PFAS: variants seen among roughly 807,000 people sequenced by gnomAD.
PFAS encodes the protein phosphoribosylformylglycinamidine synthase, also known as FGAM synthase.
A neutral mutation model predicts 140.6 loss-of-function variants in PFAS; 97 were observed. The observed-to-expected ratio is 0.69, with a 90% confidence interval of 0.59 to 0.82. The LOEUF is 0.82. Among genes scored for constraint, PFAS ranks in the 40% least tolerant of loss-of-function variants. PFAS has a pLI of 0.00. For synonymous variants in PFAS, 679 were observed against 718.8 expected, an observed-to-expected ratio of 0.94 and a Z score of 0.88; for missense variants, 1,656 against 1,780.2, an observed-to-expected ratio of 0.93 and a Z score of 1.26.
At position 8,267,683 on chromosome 17, in the gene PFAS, TG is replaced by T; in HGVS notation, c.3382+19del. On this transcript the variant is annotated intron_variant, in intron 26 of 27. Transcript: ENST00000314666. This position sits in a 1 kb window ranked among gnomAD's most constrained non-coding sequence, Gnocchi z 4.9. ...TGCCAAAGGTCAGTGTGCAGGCTTC[TG>T]CCCACTCCCTTCCCCCACATTCCTG... 1 of 1,368,352 alleles carries T rather than the reference TG, an allele frequency of 7.3e-7. No homozygotes were observed. Among genetic ancestry groups the T allele is most frequent in the Non-Finnish European group, 1.0e-6 (1 of 962,684 alleles). The allele number at this position is 1,368,352 out of a possible 1,614,324, so 84.8% of individuals were successfully genotyped here. A position where few individuals can be genotyped will look rare whatever the true frequency, so the allele number is the denominator to read the frequency against.
rs143613691 is a variant in PFAS, at chr17:8,258,080, G to T, written c.1217G>T (p.Arg406Leu). 1 of 1,614,120 alleles carries T rather than the reference G, an allele frequency of 6.2e-7. No individual in the cohort carries two copies. Among genetic ancestry groups the T allele is most frequent in the African/African-American group, 1.3e-5 (1 of 75,044 alleles). ...GATGTTCACACTCCAGGCTTCGCCC[G>T]CTCCTTGGGCCTCCAGCTCCCAGAC... ...FGEPVLAGFA[R>L]SLGLQLPDGQ... The change falls in exon 11 of 28, where the codon CGC becomes CTC. Residue 406 changes from arginine to leucine, a missense_variant. Transcript: ENST00000314666.
In PFAS at chr17:8,265,363, G is replaced by C. The variant is rs1231078339; in HGVS notation, c.2356G>C (p.Glu786Gln). The C allele has an allele frequency of 1.2e-6, 2 of 1,614,200 alleles. No individual in the cohort carries two copies. Among genetic ancestry groups the C allele is most frequent in the African/African-American group, 2.7e-5 (2 of 75,048 alleles). The change falls in exon 19 of 28, where the codon GAG becomes CAG. Residue 786 changes from glutamate (E) to glutamine (Q), a missense_variant. Around this residue, in one of 2 missense-constraint regions of PFAS, gnomAD observed 883 missense variants for 1,023.0 expected, o/e 0.86. Transcript: ENST00000314666. ...GGGCGCAGCTTTGGCGGATGCCTGT[G>C]AGGCTATGGTGGCAGTGATGGCAGC... ...GEGAALADAC[E>Q]AMVAVMAALG...
intron 3 of PFAS, 28 bp downstream of exon 3, chr17:8,254,329 TC>T (rs1397822155): frequency 1.2e-6 from 2 of 1,612,422 alleles, no homozygotes; most frequent in Non-Finnish European, 1.7e-6. Flanking sequence ...CCCACCCCTT[TC>T]TTCTGCTTTC....
At chr17:8,257,994 G>A (rs190032072) in intron 10 of PFAS, 56 bp downstream of exon 10, 1 of 1,611,948 alleles carries the variant, frequency 6.2e-7, no homozygotes, top group South Asian at 1.1e-5. Context: ...TGGGTGGGGT[G>A]TGCGACCCAG....
chr17:8,265,886 G>A lies in PFAS; in HGVS notation c.2570G>A (p.Ser857Asn), dbSNP rs1156746269. Residue 857 changes from serine to asparagine, a missense_variant, in exon 21 of 28, where the codon AGC becomes AAC. Around this residue, in one of 2 missense-constraint regions of PFAS, gnomAD observed 883 missense variants for 1,023.0 expected, o/e 0.86. Transcript: ENST00000314666. ...GRGHLLYVALSPGQHRLGGTA... is the reference protein window; with the variant it reads ...GRGHLLYVALNPGQHRLGGTA... Reference sequence around the variant, plus strand: ...GGCCATCTGCTCTATGTGGCTCTGAGCCCTGGGCAGCACCGGCTCGGGGGC... The same window carrying A: ...GGCCATCTGCTCTATGTGGCTCTGAACCCTGGGCAGCACCGGCTCGGGGGC... The A allele has an allele frequency of 6.2e-7, 1 of 1,610,064 alleles. No individual in the cohort carries two copies. Among genetic ancestry groups the A allele is most frequent in the Non-Finnish European group, 8.5e-7 (1 of 1,177,884 alleles).
intron 14 of PFAS, 42 bp downstream of exon 14, chr17:8,263,678 C>T: frequency 1.2e-6 from 2 of 1,604,132 alleles, no homozygotes; most frequent in Non-Finnish European, 8.5e-7. Context: ...CCCACCCCTG[C>T]CAGCCCCAGC....
At chr17:8,255,361 C>T (rs1567636058) in intron 4 of PFAS, 141 bp from the exon 5 acceptor site, 8 of 694,960 alleles carry the variant, frequency 1.2e-5, no homozygotes, top group East Asian at 2.8e-5. Flanking sequence ...CTGGAAAGGG[C>T]GTCTTTTTGT....
At chr17:8,253,390 A>G (rs1989233669) in intron 1 of PFAS, among the ~76,000 whole-genome samples, 1 of 152,152 alleles carries the variant, frequency 6.6e-6, no homozygotes, top group Non-Finnish European at 1.5e-5. Flanking sequence ...ACATTTTGCA[A>G]GATTCCTTAA....
Position 8,269,323 on chromosome 17 carries a change from TC to T in PFAS, c.*64del. On this transcript the variant is annotated 3_prime_UTR_variant, in exon 28 of 28. Coordinates refer to ENST00000314666, the MANE Select transcript of PFAS (RefSeq NM_012393.3). ...TTTCACCTAAGTGGGTCCTGCCCCC[TC>T]CCCCATGACCTTCAGGAGCACCCCA... 1 of 1,239,706 alleles carries T rather than the reference TC, an allele frequency of 8.1e-7. No individual in the cohort carries two copies. Among genetic ancestry groups the T allele is most frequent in the Non-Finnish European group, 1.1e-6 (1 of 880,124 alleles). The allele number at this position is 1,239,706 out of a possible 1,614,324, so 76.8% of individuals were successfully genotyped here.
chr17:8,268,596 G>A lies in PFAS; in HGVS notation c.3446G>A (p.Arg1149Gln), dbSNP rs769660069. The change falls in exon 27 of 28, where the codon CGG becomes CAG. Residue 1149 changes from arginine (R) to glutamine (Q), a missense_variant. Coordinates refer to ENST00000314666, the MANE Select transcript of PFAS (RefSeq NM_012393.3). Reference sequence around the variant, plus strand: ...GCTGAGCTGAGGCGCTTCCGGAAGCGGCCAGACACCTTCAGCCTGGGCGTG... The same window carrying A: ...GCTGAGCTGAGGCGCTTCCGGAAGCAGCCAGACACCTTCAGCCTGGGCGTG... ...AGAELRRFRK[R>Q]PDTFSLGVCN... is the part of the protein sequence containing the mutation. The A allele has an allele frequency of 2.1e-5, 34 of 1,613,060 alleles. No homozygotes were observed. Among genetic ancestry groups the A allele is most frequent in the African/African-American group, 1.1e-4 (8 of 74,804 alleles).
Position 8,268,705 on chromosome 17 carries a change from C to G in PFAS, c.3555C>G (p.Ser1185=). 1 of 1,613,148 alleles carries G rather than the reference C, an allele frequency of 6.2e-7. No individual in the cohort carries two copies. The highest frequency in any genetic ancestry group is 2.2e-5 in the East Asian group (1 of 44,884). ...NEDAAEMGPD[S]QPARPGLLLR... ...ATGCTGCAGAGATGGGCCCTGACTC[C>G]CAGCCAGCCCGGCCAGGCCTTCTGC... The change falls in exon 27 of 28, where the codon TCC becomes TCG. Residue 1185 remains serine (S), a synonymous_variant. Coordinates refer to ENST00000314666, the MANE Select transcript of PFAS (RefSeq NM_012393.3).
Position 8,257,830 on chromosome 17 carries a change from C to T in PFAS, c.1099C>T (p.Pro367Ser), listed in dbSNP as rs1037800072. Residue 367 changes from proline (P) to serine (S), a missense_variant, in exon 10 of 28, where the codon CCA becomes TCA. Transcript: ENST00000314666. ...AGGTTACAATCTGCCCTGGGAGGAT[C>T]CAAGCTTCCAGTATCCTGGGAATTT... ...IPGYNLPWED[P>S]SFQYPGNFAR... 9 of 1,613,748 alleles carry T rather than the reference C, an allele frequency of 5.6e-6. No homozygotes were observed. Among genetic ancestry groups the T allele is most frequent in the African/African-American group, 4.0e-5 (3 of 74,916 alleles).
chr17:8,263,058 T>C (rs563773426), intron 12 of PFAS, 51 bp from the exon 13 acceptor site: 3 of 1,610,264 alleles, frequency 1.9e-6, no homozygotes, highest in Admixed American at 1.7e-5. Flanking sequence ...TAGGGGAGCG[T>C]ATAGGAGCTT....
Position 8,263,249 on chromosome 17 carries a change from G to A in PFAS, c.1551G>A (p.Gln517=). The change falls in exon 13 of 28, where the codon CAG becomes CAA. Residue 517 remains glutamine (Q), a synonymous_variant. Transcript: ENST00000314666. ...ACCCCATCTGCAGCCTTCATGATCA[G>A]GGCGCTGGTGGCAATGGTGAGGAAA... ...KGNPICSLHD[Q]GAGGNGNVLK... is the part of the protein sequence containing the mutation. 6.2e-7 allele frequency: 1 copy of A among 1,614,176 alleles called. No individual in the cohort carries two copies. The highest frequency in any genetic ancestry group is 8.5e-7 in the Non-Finnish European group (1 of 1,180,032).
At position 8,268,707 on chromosome 17, in the gene PFAS, A is replaced by C. The variant is rs1989925011; in HGVS notation, c.3557A>C (p.Gln1186Pro). 1.2e-6 allele frequency: 2 copies of C among 1,613,084 alleles called. No individual in the cohort carries two copies. Among genetic ancestry groups the C allele is most frequent in the Non-Finnish European group, 1.7e-6 (2 of 1,179,924 alleles). The change falls in exon 27 of 28, where the codon CAG (glutamine) becomes CCG (proline). Residue 1186 changes from glutamine to proline, a missense_variant. This residue lies in a region of PFAS where 883 missense variants were observed against 1,023.0 expected (regional missense o/e 0.86). Coordinates refer to ENST00000314666, the MANE Select transcript of PFAS (RefSeq NM_012393.3). ...EDAAEMGPDS[Q>P]PARPGLLLRH... is the part of the protein sequence containing the mutation. ...GCTGCAGAGATGGGCCCTGACTCCC[A>C]GCCAGCCCGGCCAGGCCTTCTGCTA...
chr17:8,257,030 C>G, intron 9 of PFAS, 67 bp downstream of exon 9: 1 of 1,557,352 alleles, frequency 6.4e-7, no homozygotes, highest in Non-Finnish European at 8.8e-7. Context: ...CAGCAAACTT[C>G]TATCTGTTAG....
rs1295414562 is a variant in PFAS, at chr17:8,255,103, G to A, written c.355G>A (p.Val119Met). Residue 119 changes from valine (V) to methionine (M), a missense_variant, in exon 4 of 28, where the codon GTG (valine) becomes ATG (methionine). Val to Met is a conservative substitution (Grantham distance 21, BLOSUM62 1). Transcript: ENST00000314666. Reference protein sequence around the residue: ...RATGLGPVDRVETTRRYRLSF... With the variant: ...RATGLGPVDRMETTRRYRLSF... ...CACTGGGCTGGGGCCTGTGGATCGTGTGGAGACCACCCGGCGCTACCGGCT... is the reference window on the plus strand; with the variant it reads ...CACTGGGCTGGGGCCTGTGGATCGTATGGAGACCACCCGGCGCTACCGGCT... The A allele has an allele frequency of 2.5e-6, 4 of 1,613,434 alleles. No homozygotes were observed. Among genetic ancestry groups the A allele is most frequent in the Admixed American group, 3.3e-5 (2 of 59,990 alleles).
chr17:8,269,145 C>T lies in PFAS; in HGVS notation c.3898C>T (p.Arg1300Trp), dbSNP rs759259622. ...RHLAVMPHPE[R>W]AVRPWQWAWR... ...CCTGGCTGTCATGCCTCACCCTGAGCGGGCCGTTAGGCCTTGGCAGTGGGC... is the reference window on the plus strand; with the variant it reads ...CCTGGCTGTCATGCCTCACCCTGAGTGGGCCGTTAGGCCTTGGCAGTGGGC... Residue 1300 changes from arginine to tryptophan, a missense_variant, in exon 28 of 28, where the codon CGG becomes TGG. Physicochemically the swap from Arg to Trp is moderately radical, Grantham distance 101 (BLOSUM62 -3). Transcript: ENST00000314666. The T allele has an allele frequency of 6.2e-6, 10 of 1,613,774 alleles. No individual in the cohort carries two copies. Among genetic ancestry groups the T allele is most frequent in the African/African-American group, 1.3e-5 (1 of 74,940 alleles).
At chr17:8,253,376 G>T (rs552045124) in intron 1 of PFAS, among the ~76,000 whole-genome samples, 14 of 152,068 alleles carry the variant, frequency 9.2e-5, no homozygotes, top group Admixed American at 7.9e-4. Context: ...CATTAATAAA[G>T]ACCACATTTT....
Sources: allele counts gnomAD v4.1 joint callset (sites outside exome capture counted in the v4.1 genomes callset), GRCh38; gene constraint gnomAD v4.1.1; regional missense constraint gnomAD v4.1.1; non-coding constraint Gnocchi (gnomAD v3.1); transcripts MANE v1.5; gene names NCBI Gene and HGNC (gene_info 2026-07-23, HGNC 2026-07-21).